Variants in TET3 observed in about 807,000 individuals in gnomAD.
TET3 encodes the protein methylcytosine dioxygenase TET3.
A neutral mutation model predicts 141.4 loss-of-function variants in TET3; 19 were observed. The observed-to-expected ratio is 0.13, with a 90% CI of 0.09 to 0.20. The LOEUF (loss-of-function observed/expected upper bound fraction) is 0.20, where lower values mean the gene tolerates loss of function less well. Among genes scored for constraint, TET3 ranks in the 10% least tolerant of loss-of-function variants. The probability of loss-of-function intolerance (pLI) is 1.00; values close to 1 mark genes in which losing one functional copy is unlikely to be tolerated. For missense variants in TET3, 1,874 were observed against 2,356.9 expected (o/e 0.80, Z 4.24); for synonymous variants, 1,043 against 980.9 (o/e 1.06, Z -1.18).
the TET3 span, among the ~76,000 whole-genome samples, chr2:74,114,889 T>C: frequency 9.2e-6 from 1 of 108,486 alleles, no homozygotes; most frequent in South Asian, 3.5e-4. Flanking sequence ...CTGGGAAAAC[T>C]GGTTATCTAT....
Position 74,047,079 on chromosome 2 carries a change from T to G in TET3, c.1162T>G (p.Leu388Val). Reference protein sequence around the residue: ...PQASCPLPEALSPPAPFRSPQ... With the variant: ...PQASCPLPEAVSPPAPFRSPQ... The stretch of plus-strand genomic sequence containing the variant: ...GGCTTCTTGCCCCCTTCCTGAGGCC[T>G]TGTCACCTCCTGCCCCTTTCAGATC... The change falls in exon 4 of 12, where the codon TTG becomes GTG. Residue 388 changes from leucine to valine, a missense_variant. Around this residue, in one of 10 missense-constraint regions of TET3, gnomAD observed 484 missense variants for 462.2 expected, o/e 1.05. Transcript: ENST00000409262. The G allele has an allele frequency of 6.2e-7, 1 of 1,613,944 alleles. No homozygotes were observed. Among genetic ancestry groups the G allele is most frequent in the Non-Finnish European group, 8.5e-7 (1 of 1,179,848 alleles).
rs1691438624 is a variant in TET3, at chr2:74,105,400, T to G, written c.*3224T>G. On this transcript the variant is annotated 3_prime_UTR_variant, in exon 12 of 12. Coordinates refer to ENST00000409262, the MANE Select transcript of TET3 (RefSeq NM_001287491.2). ...CGAGATTTTTAAAATAAAAATCGCT[T>G]CGCAGCAGGTTCTCACAAAATAACT... The G allele has an allele frequency of 5.0e-6, 2 of 398,634 alleles. No homozygotes were observed. The highest frequency in any genetic ancestry group is 7.1e-5 in the East Asian group (2 of 28,082). The allele number at this position is 398,634 out of a possible 1,614,324, so 24.7% of individuals were successfully genotyped here.
intron 3 of TET3, among the ~76,000 whole-genome samples, chr2:74,036,691 G>A (rs918939700): frequency 1.8e-4 from 28 of 152,204 alleles, no homozygotes; most frequent in African/African-American, 6.5e-4. Context: ...ATAAGTGAAT[G>A]TGCGACAATT....
At chr2:74,012,205 A>C (rs1685471270) in intron 3 of TET3, among the ~76,000 whole-genome samples, 1 of 151,766 alleles carries the variant, frequency 6.6e-6, no homozygotes, top group South Asian at 2.1e-4. Flanking sequence ...AAGGGATCCC[A>C]CCCCTCCTTG....
intron 3 of TET3, among the ~76,000 whole-genome samples, chr2:74,028,780 G>A (rs1289912562): frequency 6.6e-6 from 1 of 152,186 alleles, no homozygotes; most frequent in African/African-American, 2.4e-5. Flanking sequence ...GTAAAAATAA[G>A]AATGAATTAC....
chr2:74,012,299 C>T (rs1251698234), intron 3 of TET3, among the ~76,000 whole-genome samples: 2 of 152,200 alleles, frequency 1.3e-5, no homozygotes, highest in East Asian at 3.8e-4. Context: ...CCGGAGTATC[C>T]CTGCAGACTT....
At chr2:74,123,496 C>G in the TET3 span, among the ~76,000 whole-genome samples, 1 of 152,158 alleles carries the variant, frequency 6.6e-6, no homozygotes, top group Non-Finnish European at 1.5e-5. Flanking sequence ...GCGGAACCGA[C>G]CAAGAAACAC....
At chr2:73,987,869 T>G (rs1684125203) in intron 2 of TET3, among the ~76,000 whole-genome samples, 1 of 152,154 alleles carries the variant, frequency 6.6e-6, no homozygotes, top group Non-Finnish European at 1.5e-5. Flanking sequence ...TGCTCTGGGT[T>G]TCCCTGACCG....
chr2:74,066,999 T>A (rs932984583), intron 4 of TET3, among the ~76,000 whole-genome samples: 2 of 152,144 alleles, frequency 1.3e-5, no homozygotes, highest in Admixed American at 6.5e-5. Context: ...GGCATATTCT[T>A]ATGTTCTATT....
chr2:74,134,778 G>A, the TET3 span: 7 of 456,700 alleles, frequency 1.5e-5, no homozygotes, highest in South Asian at 1.1e-4. Context: ...CAGACACCGT[G>A]ACCACCACCA....
chr2:74,051,965 G>A (rs1376764090), intron 4 of TET3, among the ~76,000 whole-genome samples: 1 of 152,192 alleles, frequency 6.6e-6, no homozygotes, highest in Non-Finnish European at 1.5e-5. Flanking sequence ...GTTCATGTTA[G>A]GAAAACCCAT....
rs1691133810 is a variant in TET3, at chr2:74,100,577, C to T, written c.3789C>T (p.Tyr1263=). 1.9e-6 allele frequency: 3 copies of T among 1,613,746 alleles called. No individual in the cohort carries two copies. The highest frequency in any genetic ancestry group is 2.5e-6 in the Non-Finnish European group (3 of 1,179,794). The change falls in exon 12 of 12, where the codon TAC becomes TAT. Residue 1263 remains tyrosine (Y), a synonymous_variant. Transcript: ENST00000409262. ...SMNSVYSYHS[Y]YAQPSLTSVN... is the part of the protein sequence containing the mutation. ...ACAGCGTGTACTCCTACCACTCCTACTATGCACAGCCCAGCCTGACCTCCG... is the reference window on the plus strand; with the variant it reads ...ACAGCGTGTACTCCTACCACTCCTATTATGCACAGCCCAGCCTGACCTCCG...
chr2:74,054,978 C>G (rs1335378443), intron 4 of TET3, among the ~76,000 whole-genome samples: 1 of 152,114 alleles, frequency 6.6e-6, no homozygotes, highest in Admixed American at 6.5e-5. Context: ...TCACTGCAGC[C>G]TTGACCTCCT....
chr2:74,114,617 C>T, the TET3 span, among the ~76,000 whole-genome samples: 4 of 151,618 alleles, frequency 2.6e-5, no homozygotes, highest in African/African-American at 4.8e-5. Flanking sequence ...TCTGGGAGAC[C>T]GAGGCAGGTA....
At chr2:74,071,381 G>T (rs369483139) in intron 4 of TET3, among the ~76,000 whole-genome samples, 1 of 152,252 alleles carries the variant, frequency 6.6e-6, no homozygotes, top group South Asian at 2.1e-4. Flanking sequence ...ATCTTTGTAT[G>T]TGGGTTTTAA....
chr2:73,985,451 C>G (rs959256320), intron 1 of TET3, among the ~76,000 whole-genome samples: 3 of 144,054 alleles, frequency 2.1e-5, no homozygotes, highest in Non-Finnish European at 3.1e-5. Context: ...AGCGCGCCCC[C>G]CTCCCCGCGC....
At position 74,085,689 on chromosome 2, in the gene TET3, G is replaced by C. The variant is rs180983031; in HGVS notation, c.2680-2141G>C. ...CTGATCTGACAGGAGGTGGAGCTCAGGCGGTAACGCCCGCTCGCCTGCTGC... is the reference window on the plus strand; with the variant it reads ...CTGATCTGACAGGAGGTGGAGCTCACGCGGTAACGCCCGCTCGCCTGCTGC... On this transcript the variant is annotated intron_variant, in intron 6 of 11. Transcript: ENST00000409262. Among the ~76,000 whole-genome samples the C allele has an allele frequency of 7.5e-3, 1,137 of 151,162 alleles. 51 individuals carry two copies. The highest frequency in any genetic ancestry group is 0.067 in the Admixed American group (1,025 of 15,246).
intron 2 of TET3, among the ~76,000 whole-genome samples, chr2:73,996,553 A>G (rs916910074): frequency 1.3e-5 from 2 of 152,080 alleles, no homozygotes; most frequent in Admixed American, 1.3e-4. Context: ...CTGTCCCCCA[A>G]GTTGGAGTGC....
chr2:74,003,572 G>A (rs1684990064), intron 3 of TET3, among the ~76,000 whole-genome samples: 1 of 144,636 alleles, frequency 6.9e-6, no homozygotes, highest in Non-Finnish European at 1.5e-5. Flanking sequence ...GGGGGTGGGG[G>A]GGCGTAAGAG....
Sources: allele counts gnomAD v4.1 joint callset (sites outside exome capture counted in the v4.1 genomes callset), GRCh38; gene constraint gnomAD v4.1.1; regional missense constraint gnomAD v4.1.1; transcripts MANE v1.5; gene names NCBI Gene and HGNC (gene_info 2026-07-23, HGNC 2026-07-21).